The following DNAH10 variants were observed in gnomAD, a reference collection of about 807,000 sequenced individuals.
DNAH10 encodes axonemal beta dynein heavy chain 10.
Under a neutral mutation model 506.6 loss-of-function variants are expected in DNAH10, and 348 were observed. That is an observed-to-expected ratio of 0.69 (90% CI 0.63 to 0.75). The LOEUF is 0.75. Among genes scored for constraint, DNAH10 ranks in the 30% least tolerant of loss-of-function variants. DNAH10 has a pLI of 0.00. For missense variants in DNAH10, 5,179 were observed against 5,787.1 expected (o/e 0.89, Z 3.41); for synonymous variants, 2,059 against 2,198.6 (o/e 0.94, Z 1.78).
In DNAH10 at chr12:123,926,676, T is replaced by C. The variant is rs2137651891; in HGVS notation, c.11961T>C (p.Phe3987=). Residue 3987 remains phenylalanine (F), a synonymous_variant, in exon 69 of 79, where the codon TTT becomes TTC. Coordinates refer to ENST00000673944, the MANE Select transcript of DNAH10 (RefSeq NM_001372106.1). This position sits in a 1 kb window ranked among gnomAD's most constrained non-coding sequence, Gnocchi z 4.1. The part of the protein sequence containing the change: ...QPPMISFEAI[F]EQSTPHSPIV... Reference sequence around the variant, plus strand: ...CAATGATCAGCTTTGAAGCTATTTTTGAGCAGAGCACTCCACATTCGCCCA... The same window carrying C: ...CAATGATCAGCTTTGAAGCTATTTTCGAGCAGAGCACTCCACATTCGCCCA... The C allele has an allele frequency of 3.1e-6, 5 of 1,613,924 alleles. No individual in the cohort carries two copies. In the East Asian group the frequency reaches 1.1e-4, roughly 36 times the overall value.
Position 123,772,700 on chromosome 12 carries a change from G to A in DNAH10, c.397-134G>A, listed in dbSNP as rs1000307281. 1.2e-5 allele frequency: 8 copies of A among 653,032 alleles called. No homozygotes were observed. The Admixed American group carries it at 2.5e-4, about 21-fold the overall frequency. The allele number at this position is 653,032 out of a possible 1,614,324, so 40.5% of individuals were successfully genotyped here. A position where few individuals can be genotyped will look rare whatever the true frequency, so the allele number is the denominator to read the frequency against. ...TGTGTTTGGCTGGTACCCACTGTGT[G>A]GCTGTGGCTACATTGTCAGAACATG... On this transcript the variant is annotated intron_variant, in intron 3 of 78. Transcript: ENST00000673944.
intron 32 of DNAH10, among the ~76,000 whole-genome samples, chr12:123,847,218 T>TTATCTATC (rs61214034): frequency 0.035 from 4,983 of 142,768 alleles, 82 homozygotes; most frequent in Non-Finnish European, 0.042. Context: ...ATCCATCCTA[T>TTATCTATC]TATCTATCTA....
intron 1 of DNAH10, among the ~76,000 whole-genome samples, chr12:123,764,214 G>A (rs930514603): frequency 2.0e-5 from 3 of 152,072 alleles, no homozygotes; most frequent in Non-Finnish European, 4.4e-5. Flanking sequence ...AAAATAAAAC[G>A]CCTTCATCAT....
chr12:123,909,195 T>C lies in DNAH10; in HGVS notation c.9816-66T>C. The C allele has an allele frequency of 6.4e-7, 1 of 1,566,932 alleles. No individual in the cohort carries two copies. Among genetic ancestry groups the C allele is most frequent in the Non-Finnish European group, 8.6e-7 (1 of 1,156,478 alleles). ...TTGGTTGAGCTCGTTTTTCTGGAGC[T>C]CTCTTTCAGGCCAGATCCTGGCCAC... On this transcript the variant is annotated intron_variant, in intron 57 of 78. Coordinates refer to ENST00000673944, the MANE Select transcript of DNAH10 (RefSeq NM_001372106.1). This position sits in a 1 kb window ranked among gnomAD's most constrained non-coding sequence, Gnocchi z 5.4.
intron 10 of DNAH10, among the ~76,000 whole-genome samples, chr12:123,788,500 C>T (rs1394814526): frequency 6.6e-6 from 1 of 152,146 alleles, no homozygotes; most frequent in African/African-American, 2.4e-5. Context: ...CACGGTGTGC[C>T]GGGTACTCAG....
At chr12:123,837,698 C>T (rs1961313451) in intron 28 of DNAH10, among the ~76,000 whole-genome samples, 1 of 150,862 alleles carries the variant, frequency 6.6e-6, no homozygotes, top group South Asian at 2.1e-4. Context: ...CCTTGGCCTC[C>T]CAGGTAGCTG....
At position 123,794,185 on chromosome 12, in the gene DNAH10, A is replaced by G; in HGVS notation, c.1986+73A>G. On this transcript the variant is annotated intron_variant, in intron 12 of 78. Transcript: ENST00000673944. ...AAAATGTGAACAATTGAATCCCACT[A>G]TTGTCTGTCTTTCCCATCTGAATTC... is the stretch of plus-strand genomic sequence containing the variant. The G allele has an allele frequency of 3.0e-6, 3 of 1,008,366 alleles. No homozygotes were observed. The South Asian group carries it at 8.4e-5, about 28-fold the overall frequency. 62.5% of individuals were successfully genotyped at this position (1,008,366 alleles called of 1,614,324 possible).
chr12:123,814,759 C>T lies in DNAH10; in HGVS notation c.3780+847C>T, dbSNP rs921440374. Among the ~76,000 whole-genome samples, 5 of 152,110 alleles carry T rather than the reference C, an allele frequency of 3.3e-5. No individual in the cohort carries two copies. The East Asian group carries it at 5.8e-4, about 18-fold the overall frequency. ...CCTCCCGAGTACCTGGGACTACAGG[C>T]ACCCGCCACCACACCCGGCTAATTA... On this transcript the variant is annotated intron_variant, in intron 21 of 78. Coordinates refer to ENST00000673944, the MANE Select transcript of DNAH10 (RefSeq NM_001372106.1).
chr12:123,845,350 A>G (rs113012345), intron 30 of DNAH10, among the ~76,000 whole-genome samples: 1,528 of 152,296 alleles, frequency 0.01, 25 homozygotes, highest in African/African-American at 0.034. Flanking sequence ...GGTACCTGCA[A>G]CATTTTTTGT....
At chr12:123,855,274 A>G (rs954445006) in intron 36 of DNAH10, among the ~76,000 whole-genome samples, 7 of 152,166 alleles carry the variant, frequency 4.6e-5, no homozygotes, top group East Asian at 3.8e-4. Flanking sequence ...AGGAGACAAC[A>G]TAGAGACGCT....
intron 50 of DNAH10, 75 bp downstream of exon 50, chr12:123,879,876 C>T (rs1023186720): frequency 3.0e-5 from 46 of 1,527,480 alleles, no homozygotes; most frequent in Middle Eastern, 2.2e-4. Flanking sequence ...GAGCATCGCG[C>T]GGGTGCCCGG....
rs2137534034 is a variant in DNAH10 at position 123,917,585 on chromosome 12, C to T, written c.11004C>T (p.Val3668=). 6.4e-7 allele frequency: 1 copy of T among 1,551,132 alleles called. No individual in the cohort carries two copies. The highest frequency in any genetic ancestry group is 1.4e-5 in the African/African-American group (1 of 73,158). The change falls in exon 64 of 79, where the codon GTC becomes GTT. Residue 3668 remains valine (V), a splice_region_variant and synonymous_variant. Transcript: ENST00000673944. The surrounding 1 kb of genome is among the most constrained non-coding windows in gnomAD (Gnocchi z 5.6). ...AGGGCCTCTCACTGTCCCCCACAGT[C>T]ACGCTGAAGGGCCTGGAGGACCAGC... ...FGKAMVINYT[V]TLKGLEDQLL... is the part of the protein sequence containing the mutation.
rs560000935 is a variant in DNAH10 at position 123,928,858 on chromosome 12, C to G, written c.12306+271C>G. 71 of 387,766 alleles carry G rather than the reference C, an allele frequency of 1.8e-4. No individual in the cohort carries two copies. The East Asian group carries it at 2.3e-3, about 13-fold the overall frequency. 24.0% of individuals were successfully genotyped at this position (387,766 alleles called of 1,614,324 possible). A position where few individuals can be genotyped will look rare whatever the true frequency, so the allele number is the denominator to read the frequency against. The stretch of plus-strand genomic sequence containing the variant: ...CGCTACTTTTCATAAACTTCACGGC[C>G]CCCCCCCCCACACACAGCCTGCAGT... On this transcript the variant is annotated intron_variant, in intron 70 of 78. Coordinates refer to ENST00000673944, the MANE Select transcript of DNAH10 (RefSeq NM_001372106.1). This position sits in a 1 kb window ranked among gnomAD's most constrained non-coding sequence, Gnocchi z 4.9.
intron 25 of DNAH10, among the ~76,000 whole-genome samples, chr12:123,828,286 G>A (rs185958585): frequency 1.3e-3 from 204 of 152,142 alleles, no homozygotes; most frequent in African/African-American, 4.1e-3. Context: ...CACAGCGTAA[G>A]AATTAAAGAA....
intron 1 of DNAH10, among the ~76,000 whole-genome samples, chr12:123,764,879 G>T (rs1323612545): frequency 6.6e-6 from 1 of 152,118 alleles, no homozygotes; most frequent in Non-Finnish European, 1.5e-5. Flanking sequence ...GCCAGATGGC[G>T]TCGGGTGTTG....
intron 34 of DNAH10, 21 bp downstream of exon 34, chr12:123,848,903 G>T (rs768938471): frequency 1.2e-6 from 2 of 1,611,628 alleles, no homozygotes; most frequent in Admixed American, 1.7e-5. Context: ...TGAAGCCCCC[G>T]GGACCATGTC....
In DNAH10 at chr12:123,897,865, C is replaced by T; in HGVS notation, c.9376C>T (p.Leu3126=). Residue 3126 remains leucine (L), a synonymous_variant, in exon 55 of 79, where the codon CTA becomes TTA. Coordinates refer to ENST00000673944, the MANE Select transcript of DNAH10 (RefSeq NM_001372106.1). ...CGTGGACCACTACAGCCAACAGTTT[C>T]TACAGAAATTGAGGCGCAGCAACTA... The part of the protein sequence containing the change: ...QSVDHYSQQF[L]QKLRRSNYVT... 6.2e-7 allele frequency: 1 copy of T among 1,611,304 alleles called. No homozygotes were observed. Among genetic ancestry groups the T allele is most frequent in the Non-Finnish European group, 8.5e-7 (1 of 1,179,260 alleles).
In DNAH10 at chr12:123,813,522, A is replaced by G. The variant is rs1184204607; in HGVS notation, c.3503A>G (p.Gln1168Arg). The change falls in exon 20 of 79, where the codon CAG becomes CGG. Residue 1168 changes from glutamine to arginine, a missense_variant. Around this residue, in one of 3 missense-constraint regions of DNAH10, gnomAD observed 4,844 missense variants for 5,430.5 expected, o/e 0.89. Transcript: ENST00000673944. ...LIKDEHCIRLQLRHLANTVQE... is the reference protein window; with the variant it reads ...LIKDEHCIRLRLRHLANTVQE... ...AAGGATGAGCATTGCATCAGACTTC[A>G]GCTCAGGCATCTGGCAAACACAGTG... The G allele has an allele frequency of 1.9e-6, 3 of 1,614,100 alleles. No individual in the cohort carries two copies. The highest frequency in any genetic ancestry group is 1.3e-5 in the African/African-American group (1 of 74,942).
rs753970382 is a variant in DNAH10, at chr12:123,873,625, A to T, written c.7853A>T (p.Asn2618Ile). ...SMDIQRNLEA[N>I]VEKRTKDTYG... ...GATATCCAAAGAAATTTAGAAGCAAATGTGGAAAAGCGAACCAAAGATACT... is the reference window on the plus strand; with the variant it reads ...GATATCCAAAGAAATTTAGAAGCAATTGTGGAAAAGCGAACCAAAGATACT... Residue 2618 changes from asparagine (N) to isoleucine (I), a missense_variant, in exon 46 of 79, where the codon AAT becomes ATT. Physicochemically the swap from Asn to Ile is moderately radical, Grantham distance 149. Coordinates refer to ENST00000673944, the MANE Select transcript of DNAH10 (RefSeq NM_001372106.1). 3.7e-6 allele frequency: 6 copies of T among 1,613,938 alleles called. No individual in the cohort carries two copies. The East Asian group carries it at 1.1e-4, about 30-fold the overall frequency.
Sources: allele counts gnomAD v4.1 joint callset (sites outside exome capture counted in the v4.1 genomes callset), GRCh38; gene constraint gnomAD v4.1.1; regional missense constraint gnomAD v4.1.1; non-coding constraint Gnocchi (gnomAD v3.1); transcripts MANE v1.5; gene names NCBI Gene and HGNC (gene_info 2026-07-23, HGNC 2026-07-21).